PREX1: variants seen among roughly 807,000 people sequenced by gnomAD.
The protein encoded by PREX1 is phosphatidylinositol 3,4,5-trisphosphate-dependent Rac exchanger 1 protein.
PREX1 carries 41 observed loss-of-function variants against 198.3 expected under a neutral mutation model. The ratio of observed to expected loss-of-function variants is 0.21; its 90% CI spans 0.16 to 0.27. The LOEUF is 0.27. Among genes scored for constraint, PREX1 ranks in the 10% least tolerant of loss-of-function variants. The pLI, the probability that PREX1 is intolerant of heterozygous loss-of-function variation, is 1.00. For synonymous variants in PREX1, 843 were observed against 887.2 expected (o/e 0.95, Z 0.89); for missense variants, 1,620 against 2,200.7 (o/e 0.74, Z 5.28).
At chr20:48,765,545 G>C (rs187926710) in intron 1 of PREX1, among the ~76,000 whole-genome samples, 1 of 152,322 alleles carries the variant, frequency 6.6e-6, no homozygotes, top group East Asian at 1.9e-4. Flanking sequence ...GCATGCCAAT[G>C]CCAGGGGTAC....
chr20:48,708,183 G>C, intron 6 of PREX1, 77 bp downstream of exon 6: 1 of 1,479,632 alleles, frequency 6.8e-7, no homozygotes. Flanking sequence ...CAGGTGCCCA[G>C]GCCTCAGTTC....
intron 7 of PREX1, among the ~76,000 whole-genome samples, chr20:48,694,322 T>C (rs1476593574): frequency 6.6e-6 from 1 of 152,128 alleles, no homozygotes; most frequent in African/African-American, 2.4e-5. Flanking sequence ...ATGAGGAGGA[T>C]ACCAAGTCAG....
Position 48,646,019 on chromosome 20 carries a change from G to T in PREX1, c.3344C>A (p.Ser1115Tyr). 1.2e-6 allele frequency: 2 copies of T among 1,614,076 alleles called. No homozygotes were observed. The highest frequency in any genetic ancestry group is 1.7e-6 in the Non-Finnish European group (2 of 1,180,024). The change falls in exon 26 of 40, where the codon TCC (serine) becomes TAC (tyrosine). Residue 1115 changes from serine to tyrosine, a missense_variant. Transcript: ENST00000371941. The part of the protein sequence containing the change: ...STITEPTSGG[S>Y]CDASLAEEAS... ...CTCCTCAGCCAAGGATGCGTCGCAG[G>T]ACCCACCCGAGGTGGGCTCTGTGAT... is the stretch of plus-strand genomic sequence containing the variant.
chr20:48,670,509 G>A (rs897329556), intron 14 of PREX1, among the ~76,000 whole-genome samples: 2 of 152,180 alleles, frequency 1.3e-5, no homozygotes, highest in African/African-American at 4.8e-5. Context: ...TGTGACGGTC[G>A]CAGCCTGGGG....
At chr20:48,628,038 G>A in intron 37 of PREX1, 75 bp from the exon 38 acceptor site, 1 of 968,244 alleles carries the variant, frequency 1.0e-6, no homozygotes, top group Non-Finnish European at 1.6e-6. Flanking sequence ...GGAGTCAGAG[G>A]ACAGTGGGTG....
the PREX1 span, among the ~76,000 whole-genome samples, chr20:48,838,356 C>A: frequency 6.6e-6 from 1 of 152,132 alleles, no homozygotes; most frequent in Non-Finnish European, 1.5e-5. Context: ...ATATTTACAG[C>A]CTTTAACCAA....
chr20:48,687,843 C>A (rs1053896004), intron 10 of PREX1, among the ~76,000 whole-genome samples: 4 of 152,150 alleles, frequency 2.6e-5, no homozygotes, highest in Admixed American at 1.3e-4. Flanking sequence ...GTGTTCTGAC[C>A]CCTTTGAACT....
chr20:48,823,159 G>C (rs1223441127), intron 1 of PREX1, among the ~76,000 whole-genome samples: 4 of 152,130 alleles, frequency 2.6e-5, no homozygotes, highest in Non-Finnish European at 5.9e-5. Context: ...ATCCTGGTCG[G>C]TTCCGGGCAG....
intron 3 of PREX1, among the ~76,000 whole-genome samples, chr20:48,740,869 G>C (rs143494715): frequency 2.2e-4 from 34 of 152,340 alleles, no homozygotes; most frequent in African/African-American, 7.9e-4. Flanking sequence ...AGAGTTTCTA[G>C]ATAGAATGCG....
At position 48,766,908 on chromosome 20, in the gene PREX1, G is replaced by A. The variant is rs551832816; in HGVS notation, c.220-19028C>T. Among the ~76,000 whole-genome samples the A allele has an allele frequency of 3.9e-5, 6 of 152,224 alleles. No homozygotes were observed. The East Asian group carries it at 7.7e-4, about 20-fold the overall frequency. ...ATAGACACTGTGTGATAACACTGCC[G>A]GCTTCATGGATTACCATGAGGACTA... On this transcript the variant is annotated intron_variant, in intron 1 of 39. Coordinates refer to ENST00000371941, the MANE Select transcript of PREX1 (RefSeq NM_020820.4).
intron 7 of PREX1, among the ~76,000 whole-genome samples, chr20:48,694,550 C>T (rs888421632): frequency 7.9e-5 from 12 of 152,160 alleles, no homozygotes; most frequent in African/African-American, 2.7e-4. Context: ...GGTGAAGATA[C>T]GGCAGAAAAT....
the PREX1 span, among the ~76,000 whole-genome samples, chr20:48,875,026 G>C: frequency 1.3e-5 from 2 of 152,172 alleles, no homozygotes; most frequent in Non-Finnish European, 2.9e-5. Flanking sequence ...TCAGAGTTTG[G>C]GGAGGACACA....
At chr20:48,856,596 T>C in the PREX1 span, among the ~76,000 whole-genome samples, 2 of 152,180 alleles carry the variant, frequency 1.3e-5, no homozygotes. Flanking sequence ...ACCATCCCAT[T>C]CCCAGGTGAC....
chr20:48,856,532 G>C, the PREX1 span, among the ~76,000 whole-genome samples: 6 of 152,226 alleles, frequency 3.9e-5, no homozygotes, highest in Non-Finnish European at 8.8e-5. Flanking sequence ...CACGTTGCAA[G>C]TTCCTGCCAG....
chr20:48,821,528 C>CACCT (rs1482521701), intron 1 of PREX1, among the ~76,000 whole-genome samples: 1 of 152,178 alleles, frequency 6.6e-6, no homozygotes, highest in Non-Finnish European at 1.5e-5. Context: ...CCCTATCACC[C>CACCT]ACCTCCCTCC....
At chr20:48,745,196 A>G (rs1648617881) in intron 2 of PREX1, 49 bp from the exon 3 acceptor site, 3 of 1,557,082 alleles carry the variant, frequency 1.9e-6, no homozygotes, top group Non-Finnish European at 1.7e-6. Flanking sequence ...TCAGAGGGAG[A>G]GCAAAGCCAA....
At chr20:48,805,138 C>T (rs1317074870) in intron 1 of PREX1, among the ~76,000 whole-genome samples, 1 of 152,214 alleles carries the variant, frequency 6.6e-6, no homozygotes, top group African/African-American at 2.4e-5. Context: ...CCACCAGCCT[C>T]CTGGCTATGT....
At chr20:48,781,374 C>T (rs1324770767) in intron 1 of PREX1, among the ~76,000 whole-genome samples, 1 of 152,198 alleles carries the variant, frequency 6.6e-6, no homozygotes, top group African/African-American at 2.4e-5. Context: ...TGCAAGTTTT[C>T]TGTAAGCCTA....
chr20:48,814,464 C>G, intron 1 of PREX1, among the ~76,000 whole-genome samples: 1 of 152,086 alleles, frequency 6.6e-6, no homozygotes. Flanking sequence ...AAAGGGGGGT[C>G]CTTGGTACAA....
Sources: gnomAD v4.1 joint callset for allele counts (sites outside exome capture counted in the v4.1 genomes callset) on GRCh38, gnomAD v4.1.1 for gene constraint, MANE v1.5 for transcripts, NCBI Gene and HGNC (gene_info 2026-07-23, HGNC 2026-07-21) for gene names.